The following FNDC7 variants were observed in gnomAD, a reference collection of about 807,000 sequenced individuals.
The protein encoded by FNDC7 is fibronectin type III domain-containing protein 7.
A neutral mutation model predicts 74.2 loss-of-function variants in FNDC7; 66 were observed. That is an observed-to-expected ratio of 0.89 (90% confidence interval 0.73 to 1.09). The LOEUF (loss-of-function observed/expected upper bound fraction) is 1.09. FNDC7 is among the 50% of genes least tolerant of loss of function. The pLI is 0.00. For synonymous variants in FNDC7, 307 were observed against 330.2 expected (o/e 0.93, Z 0.76); for missense variants, 829 against 893.4 (o/e 0.93, Z 0.92).
chr1:108,713,066 T>A, intron 1 of FNDC7, 70 bp downstream of exon 1: 5 of 1,059,394 alleles, frequency 4.7e-6, no homozygotes, highest in South Asian at 3.5e-5. Context: ...TTTTCTCTCC[T>A]TTTTTTTTTG....
At chr1:108,714,691 G>A (rs1337371540) in intron 2 of FNDC7, among the ~76,000 whole-genome samples, 2 of 136,612 alleles carry the variant, frequency 1.5e-5, no homozygotes, top group African/African-American at 5.5e-5. Context: ...TGCAAGCTCT[G>A]CCTCCCAGGT....
intron 5 of FNDC7, among the ~76,000 whole-genome samples, chr1:108,723,789 A>G (rs1015145749): frequency 6.6e-6 from 1 of 152,190 alleles, no homozygotes; most frequent in African/African-American, 2.4e-5. Context: ...ACTTTTACAA[A>G]ATCCCAATAC....
rs1661273117 is a variant in FNDC7 at position 108,728,714 on chromosome 1, T to C, written c.1452T>C (p.Asp484=). ...INVHWRSTND[D]ATYTVTAQGE... ...TGCACTGGCGATCCACTAATGATGATGCTACTTACACGGTGACTGCCCAAG... is the reference window on the plus strand; with the variant it reads ...TGCACTGGCGATCCACTAATGATGACGCTACTTACACGGTGACTGCCCAAG... The change falls in exon 8 of 13, where the codon GAT becomes GAC. Residue 484 remains aspartate (D), a synonymous_variant. Coordinates refer to ENST00000370017, the MANE Select transcript of FNDC7 (RefSeq NM_001144937.3). 2 of 1,614,290 alleles carry C rather than the reference T, an allele frequency of 1.2e-6. No individual in the cohort carries two copies. The highest frequency in any genetic ancestry group is 1.7e-6 in the Non-Finnish European group (2 of 1,180,046).
At chr1:108,728,147 A>T (rs1354539406) in intron 7 of FNDC7, 82 bp downstream of exon 7, 1 of 1,503,228 alleles carries the variant, frequency 6.7e-7, no homozygotes, top group Non-Finnish European at 9.1e-7. Flanking sequence ...ATTCAGTGAG[A>T]CCAATAAAAA....
At position 108,713,532 on chromosome 1, in the gene FNDC7, A is replaced by G; in HGVS notation, c.82+3A>G. The G allele has an allele frequency of 6.5e-7, 1 of 1,546,312 alleles. No homozygotes were observed. The highest frequency in any genetic ancestry group is 2.4e-5 in the East Asian group (1 of 40,858). On this transcript the variant is annotated splice_donor_region_variant and intron_variant, in intron 2 of 12. Coordinates refer to ENST00000370017, the MANE Select transcript of FNDC7 (RefSeq NM_001144937.3). ...TCAGGTTGCTTCAGCAAAATCAGGT[A>G]CAATTTTCTGACCTGCAAGTTTTTC...
At chr1:108,725,431 A>T (rs1661186571) in intron 5 of FNDC7, among the ~76,000 whole-genome samples, 1 of 152,250 alleles carries the variant, frequency 6.6e-6, no homozygotes, top group Admixed American at 6.5e-5. Flanking sequence ...AAATAATCTA[A>T]CGATGAAAAT....
Position 108,717,757 on chromosome 1 carries a change from A to G in FNDC7, c.83-20A>G, listed in dbSNP as rs1168779809. On this transcript the variant is annotated intron_variant, in intron 2 of 12. Coordinates refer to ENST00000370017, the MANE Select transcript of FNDC7 (RefSeq NM_001144937.3). ...CTCGTAGGTATCTTGGCTAATGTAC[A>G]ACTCTAAAACCTCTTTCAGCTCCTG... 2 of 1,549,732 alleles carry G rather than the reference A, an allele frequency of 1.3e-6. No homozygotes were observed. The highest frequency in any genetic ancestry group is 3.9e-5 in the Admixed American group (2 of 50,972).
intron 11 of FNDC7, among the ~76,000 whole-genome samples, chr1:108,741,233 G>C (rs1428319076): frequency 1.3e-5 from 2 of 152,184 alleles, no homozygotes; most frequent in Non-Finnish European, 2.9e-5. Context: ...TATTTGAGGT[G>C]ATAGCGGCTC....
At chr1:108,731,003 AT>A in intron 9 of FNDC7, 75 bp downstream of exon 9, 1 of 1,424,744 alleles carries the variant, frequency 7.0e-7, no homozygotes. Flanking sequence ...TTTCCTCCTC[AT>A]TTAAAAAGAT....
chr1:108,714,700 G>A (rs1338321865), intron 2 of FNDC7, among the ~76,000 whole-genome samples: 4 of 138,770 alleles, frequency 2.9e-5, no homozygotes, highest in Non-Finnish European at 3.0e-5. Context: ...TGCCTCCCAG[G>A]TTCAGGCCAT....
chr1:108,732,800 C>T (rs2151328), intron 9 of FNDC7, among the ~76,000 whole-genome samples: 3,839 of 151,754 alleles, frequency 0.025, 177 homozygotes, highest in African/African-American at 0.087. Flanking sequence ...GACAGGATCT[C>T]GCTCTGTCAC....
chr1:108,726,831 T>A (rs1393230388), intron 6 of FNDC7, among the ~76,000 whole-genome samples: 1 of 152,208 alleles, frequency 6.6e-6, no homozygotes, highest in African/African-American at 2.4e-5. Context: ...TTTGACAGGA[T>A]GAGGGATCTA....
chr1:108,733,927 G>A (rs190423445), intron 10 of FNDC7, among the ~76,000 whole-genome samples: 190 of 152,254 alleles, frequency 1.2e-3, no homozygotes, highest in African/African-American at 4.4e-3. Flanking sequence ...TGGGATTACA[G>A]GCATGAACCA....
rs1661661799 is a variant in FNDC7, at chr1:108,742,054, G to C, written c.*167G>C. 1.8e-6 allele frequency: 1 copy of C among 543,242 alleles called. No homozygotes were observed. The highest frequency in any genetic ancestry group is 1.9e-5 in the African/African-American group (1 of 52,510). The allele number at this position is 543,242 out of a possible 1,614,324, so 33.7% of individuals were successfully genotyped here. A position where few individuals can be genotyped will look rare whatever the true frequency, so the allele number is the denominator to read the frequency against. Reference sequence around the variant, plus strand: ...CTCTGACTCTGCTTCCTGAGGGCAAGGTCAGGTGTGTCCTCACCTGCACAG... The same window carrying C: ...CTCTGACTCTGCTTCCTGAGGGCAACGTCAGGTGTGTCCTCACCTGCACAG... On this transcript the variant is annotated 3_prime_UTR_variant, in exon 13 of 13. Coordinates refer to ENST00000370017, the MANE Select transcript of FNDC7 (RefSeq NM_001144937.3).
chr1:108,728,952 G>A, intron 8 of FNDC7, 66 bp downstream of exon 8: 3 of 1,565,762 alleles, frequency 1.9e-6, no homozygotes, highest in South Asian at 2.3e-5. Flanking sequence ...TTCAAGACAT[G>A]AACTTCCTTA....
chr1:108,737,463 T>C (rs371740023), intron 10 of FNDC7, 32 bp from the exon 11 acceptor site: 114 of 1,546,092 alleles, frequency 7.4e-5, no homozygotes, highest in Non-Finnish European at 9.2e-5. Flanking sequence ...AATGAATAGA[T>C]TTTATTTTAA....
At chr1:108,738,387 G>T (rs1032638161) in intron 11 of FNDC7, among the ~76,000 whole-genome samples, 2 of 152,138 alleles carry the variant, frequency 1.3e-5, no homozygotes, top group Non-Finnish European at 2.9e-5. Flanking sequence ...ATGAGCAAAT[G>T]GAGCCATGAG....
chr1:108,717,688 G>A, intron 2 of FNDC7, 89 bp from the exon 3 acceptor site: 4 of 1,361,796 alleles, frequency 2.9e-6, no homozygotes, highest in Non-Finnish European at 4.0e-6. Context: ...AGGAAGGCAT[G>A]AGAATGATTT....
chr1:108,722,008 G>A (rs944414347), intron 4 of FNDC7, among the ~76,000 whole-genome samples: 1 of 152,028 alleles, frequency 6.6e-6, no homozygotes, highest in Non-Finnish European at 1.5e-5. Flanking sequence ...ATTAAATAAT[G>A]CATTAATTCA....
Sources: gnomAD v4.1 joint callset for allele counts (sites outside exome capture counted in the v4.1 genomes callset) on GRCh38, gnomAD v4.1.1 for gene constraint, MANE v1.5 for transcripts, NCBI Gene and HGNC (gene_info 2026-07-23, HGNC 2026-07-21) for gene names.